The following FLT1 variants were observed in gnomAD, a reference collection of about 807,000 sequenced individuals.
FLT1 encodes the protein vascular endothelial growth factor receptor 1.
FLT1 carries 49 observed loss-of-function variants against 156.3 expected under a neutral mutation model. That is an observed-to-expected ratio of 0.31 (90% confidence interval 0.25 to 0.40). The LOEUF (loss-of-function observed/expected upper bound fraction) is 0.40, where lower values mean the gene tolerates loss of function less well. Ranked by LOEUF, FLT1 falls within the 10% of genes least tolerant of loss-of-function variation. The pLI is 1.00. For synonymous variants in FLT1, 594 were observed against 583.8 expected, an observed-to-expected ratio of 1.02 and a Z score of -0.25; for missense variants, 1,322 against 1,637.2, an observed-to-expected ratio of 0.81 and a Z score of 3.32.
chr13:28,313,907 A>AGGG (rs372132792), intron 25 of FLT1, among the ~76,000 whole-genome samples: 2 of 143,824 alleles, frequency 1.4e-5, no homozygotes, highest in Admixed American at 7.0e-5. Flanking sequence ...AAAAAAAAAA[A>AGGG]AAGAAGAATC....
At chr13:28,329,769 G>T (rs1245402349) in intron 18 of FLT1, 41 bp from the exon 19 acceptor site, 1 of 1,520,192 alleles carries the variant, frequency 6.6e-7, no homozygotes. Flanking sequence ...ACAGGACAAT[G>T]GGGCTCCTTC....
Position 28,467,031 on chromosome 13 carries a change from T to C in FLT1, c.260A>G (p.Gln87Arg), listed in dbSNP as rs1210849720. The change falls in exon 3 of 30, where the codon CAA becomes CGA. Residue 87 changes from glutamine (Q) to arginine (R), a missense_variant. Transcript: ENST00000282397. ...TKSACGRNGK[Q>R]FCSTLTLNTA... is the part of the protein sequence containing the mutation. ...GTTCAAGGTTAAAGTACTGCAGAAT[T>C]GTTTGCCATTTCTTCCACAGGCAGA... The C allele has an allele frequency of 1.9e-6, 3 of 1,614,158 alleles. No homozygotes were observed. The highest frequency in any genetic ancestry group is 2.2e-5 in the South Asian group (2 of 91,082).
At chr13:28,473,164 C>T (rs145122313) in intron 1 of FLT1, among the ~76,000 whole-genome samples, 45 of 152,272 alleles carry the variant, frequency 3.0e-4, no homozygotes, top group East Asian at 7.7e-4. Context: ...GACTTTTAAA[C>T]GGTGCAACCC....
intron 10 of FLT1, among the ~76,000 whole-genome samples, chr13:28,406,486 G>T (rs1875808199): frequency 6.6e-6 from 1 of 152,116 alleles, no homozygotes; most frequent in African/African-American, 2.4e-5. Flanking sequence ...TGAGGTCCAT[G>T]AATTCTCTCT....
intron 1 of FLT1, among the ~76,000 whole-genome samples, chr13:28,468,673 A>G (rs1879983509): frequency 6.6e-6 from 1 of 152,114 alleles, no homozygotes; most frequent in Admixed American, 6.5e-5. Context: ...AGATCTGATT[A>G]TCTGAAAGTG....
chr13:28,330,706 T>G (rs1277914513), intron 18 of FLT1, among the ~76,000 whole-genome samples: 1 of 151,110 alleles, frequency 6.6e-6, no homozygotes, highest in East Asian at 1.9e-4. Context: ...TTTTATTTCT[T>G]TTTATTTTTT....
At position 28,306,672 on chromosome 13, in the gene FLT1, T is replaced by A; in HGVS notation, c.3815+6A>T. 2 of 1,601,844 alleles carry A rather than the reference T, an allele frequency of 1.2e-6. No homozygotes were observed. Among genetic ancestry groups the A allele is most frequent in the South Asian group, 2.2e-5 (2 of 90,818 alleles). ...ACTGATCACAGAAAAGATACCCAAT[T>A]CTTACTCAATCTTGAGCGAGGCCTT... On this transcript the variant is annotated splice_donor_region_variant and intron_variant, in intron 29 of 29. Coordinates refer to ENST00000282397, the MANE Select transcript of FLT1 (RefSeq NM_002019.4).
At chr13:28,404,408 T>C (rs1377838601) in intron 11 of FLT1, among the ~76,000 whole-genome samples, 1 of 152,238 alleles carries the variant, frequency 6.6e-6, no homozygotes, top group East Asian at 1.9e-4. Context: ...AATCATCTTA[T>C]CTTCCCTGTT....
chr13:28,368,365 T>C, intron 14 of FLT1: 2 of 936,818 alleles, frequency 2.1e-6, no homozygotes, highest in Non-Finnish European at 3.0e-6. Context: ...TTGGTCAGGC[T>C]GGTCTTGAAC....
chr13:28,391,473 C>T (rs1405067346), intron 12 of FLT1, among the ~76,000 whole-genome samples: 1 of 152,204 alleles, frequency 6.6e-6, no homozygotes, highest in African/African-American at 2.4e-5. Flanking sequence ...CTATCTATGA[C>T]CTGGAAGCCC....
chr13:28,326,958 T>G (rs1236923799), intron 20 of FLT1, among the ~76,000 whole-genome samples: 3 of 152,142 alleles, frequency 2.0e-5, no homozygotes, highest in Non-Finnish European at 4.4e-5. Flanking sequence ...TGTCAGGAAG[T>G]AGGGGAAAGG....
At chr13:28,488,525 C>T (rs1881293615) in intron 1 of FLT1, among the ~76,000 whole-genome samples, 1 of 152,120 alleles carries the variant, frequency 6.6e-6, no homozygotes, top group African/African-American at 2.4e-5. Context: ...AAAGTATAGG[C>T]TCTGAGTCAT....
intron 23 of FLT1, 68 bp from the exon 24 acceptor site, chr13:28,319,602 A>G (rs966409455): frequency 5.7e-6 from 5 of 877,510 alleles, no homozygotes; most frequent in Admixed American, 3.7e-5. Flanking sequence ...CCGAGTGTCC[A>G]TGGGGTCACC....
intron 20 of FLT1, among the ~76,000 whole-genome samples, chr13:28,323,587 G>T (rs1171679849): frequency 6.7e-6 from 1 of 148,622 alleles, no homozygotes; most frequent in Non-Finnish European, 1.5e-5. Context: ...GGAGGTGGAG[G>T]TTGCAGTGAG....
At chr13:28,441,195 C>G (rs1369494075) in intron 3 of FLT1, among the ~76,000 whole-genome samples, 1 of 152,182 alleles carries the variant, frequency 6.6e-6, no homozygotes, top group Non-Finnish European at 1.5e-5. Flanking sequence ...AAAAACACCT[C>G]AAGTGAGCAC....
chr13:28,477,446 C>A (rs1241837990), intron 1 of FLT1, among the ~76,000 whole-genome samples: 1 of 152,204 alleles, frequency 6.6e-6, no homozygotes, highest in Non-Finnish European at 1.5e-5. Flanking sequence ...AGCTGTCTAA[C>A]AATATGTCAT....
intron 19 of FLT1, among the ~76,000 whole-genome samples, chr13:28,329,184 GTC>G (rs1871819027): frequency 6.6e-6 from 1 of 152,204 alleles, no homozygotes; most frequent in South Asian, 2.1e-4. Flanking sequence ...CTTGGGTAAG[GTC>G]TATCTGCATG....
chr13:28,411,218 G>C (rs949824301), intron 10 of FLT1, among the ~76,000 whole-genome samples: 1 of 151,736 alleles, frequency 6.6e-6, no homozygotes, highest in Non-Finnish European at 1.5e-5. Flanking sequence ...GAAATTATAG[G>C]AACTCTTTAC....
chr13:28,451,560 G>A (rs748104237), intron 3 of FLT1, among the ~76,000 whole-genome samples: 11 of 152,340 alleles, frequency 7.2e-5, no homozygotes, highest in South Asian at 4.1e-4. Context: ...ACTGGGGACA[G>A]TGGGTTTTCC....
Sources: gnomAD v4.1 joint callset for allele counts (sites outside exome capture counted in the v4.1 genomes callset) on GRCh38, gnomAD v4.1.1 for gene constraint, MANE v1.5 for transcripts, NCBI Gene and HGNC (gene_info 2026-07-23, HGNC 2026-07-21) for gene names.